Variants in KLHL29 observed in about 807,000 individuals in gnomAD.
KLHL29 encodes kelch like family member 29.
KLHL29 carries 21 observed loss-of-function variants against 80.4 expected under a neutral mutation model. The ratio of observed to expected loss-of-function variants is 0.26; its 90% CI spans 0.19 to 0.38. The LOEUF is 0.38. Ranked by LOEUF, KLHL29 falls within the 10% of genes least tolerant of loss-of-function variation. The pLI, the probability that KLHL29 is intolerant of heterozygous loss-of-function variation, is 1.00. For missense variants in KLHL29, 867 were observed against 1,223.9 expected (o/e 0.71, Z 4.35); for synonymous variants, 511 against 526.8 (o/e 0.97, Z 0.41).
At chr2:23,575,765 G>GAAAA (rs1355941585) in intron 3 of KLHL29, among the ~76,000 whole-genome samples, 170 of 152,228 alleles carry the variant, frequency 1.1e-3, no homozygotes, top group African/African-American at 3.9e-3. Flanking sequence ...TGATAGAGGA[G>GAAAA]GAGAGAGAGA....
At chr2:23,634,589 T>C (rs1669559476) in intron 3 of KLHL29, among the ~76,000 whole-genome samples, 1 of 152,058 alleles carries the variant, frequency 6.6e-6, no homozygotes, top group South Asian at 2.1e-4. Context: ...TTCCCCCAGC[T>C]CCACAGAGGC....
chr2:23,578,225 G>A lies in KLHL29; in HGVS notation c.285+15744G>A, dbSNP rs536945333. 3.9e-5 allele frequency among the ~76,000 whole-genome samples: 6 copies of A among 152,232 alleles called. No individual in the cohort carries two copies. The South Asian group carries it at 1.2e-3, about 32-fold the overall frequency. ...CGCTTAGCCAACCACATTAATCCTAGCTGGGGTACCATTGCACACCAGCAA... is the reference window on the plus strand; with the variant it reads ...CGCTTAGCCAACCACATTAATCCTAACTGGGGTACCATTGCACACCAGCAA... On this transcript the variant is annotated intron_variant, in intron 3 of 13. Coordinates refer to ENST00000486442, the MANE Select transcript of KLHL29 (RefSeq NM_052920.2).
chr2:23,514,630 C>A (rs1665867234), intron 2 of KLHL29, among the ~76,000 whole-genome samples: 1 of 152,140 alleles, frequency 6.6e-6, no homozygotes, highest in South Asian at 2.1e-4. Flanking sequence ...ACCATGTGGC[C>A]TGGATCTTGC....
chr2:23,595,872 C>T (rs1668382221), intron 3 of KLHL29, among the ~76,000 whole-genome samples: 1 of 152,224 alleles, frequency 6.6e-6, no homozygotes, highest in Admixed American at 6.5e-5. Context: ...GCTCCCCACG[C>T]AAGCAGCATG....
chr2:23,551,040 C>T (rs140884331), intron 2 of KLHL29, among the ~76,000 whole-genome samples: 11 of 152,292 alleles, frequency 7.2e-5, no homozygotes, highest in Non-Finnish European at 1.0e-4. Flanking sequence ...TGTGGAGCCA[C>T]GAGAACAAGC....
intron 1 of KLHL29, among the ~76,000 whole-genome samples, chr2:23,442,795 A>G (rs1345374429): frequency 6.6e-6 from 1 of 152,224 alleles, no homozygotes; most frequent in East Asian, 1.9e-4. Context: ...TCTAGGAGCC[A>G]TGTTTGGTTG....
chr2:23,656,500 C>T (rs911869177), intron 5 of KLHL29, among the ~76,000 whole-genome samples: 1 of 152,260 alleles, frequency 6.6e-6, no homozygotes, highest in African/African-American at 2.4e-5. Context: ...CACCCATGTG[C>T]GTTCCTTCAC....
Position 23,503,488 on chromosome 2 carries a change from G to A in KLHL29, c.-46+27821G>A, listed in dbSNP as rs554617106. 3.3e-5 allele frequency among the ~76,000 whole-genome samples: 5 copies of A among 151,928 alleles called. No individual in the cohort carries two copies. Among genetic ancestry groups the A allele is most frequent in the Non-Finnish European group, 5.9e-5 (4 of 67,980 alleles). ...GACACTCAGACTGGAAAATACAGAC[G>A]AGGCCATAGAAGTTAGTGTTGTCCT... On this transcript the variant is annotated intron_variant, in intron 2 of 13. Transcript: ENST00000486442. The surrounding 1 kb of genome is among the most constrained non-coding windows in gnomAD (Gnocchi z 4.0).
intron 1 of KLHL29, among the ~76,000 whole-genome samples, chr2:23,418,497 A>G (rs1193698383): frequency 1.3e-5 from 2 of 152,188 alleles, no homozygotes; most frequent in Non-Finnish European, 2.9e-5. Flanking sequence ...CTTCAGCATG[A>G]TTTAGTGCCC....
At chr2:23,387,101 T>TGCGC (rs1428482464) in intron 1 of KLHL29, among the ~76,000 whole-genome samples, 1 of 152,066 alleles carries the variant, frequency 6.6e-6, no homozygotes, top group Non-Finnish European at 1.5e-5. Context: ...CTCCCGTGCT[T>TGCGC]GCGCCGCGGC....
intron 3 of KLHL29, among the ~76,000 whole-genome samples, chr2:23,567,935 G>A (rs1667629942): frequency 6.6e-6 from 1 of 152,228 alleles, no homozygotes; most frequent in African/African-American, 2.4e-5. Flanking sequence ...AACACAACCT[G>A]TGCATGTTAG....
intron 6 of KLHL29, 43 bp from the exon 7 acceptor site, chr2:23,691,631 G>A: frequency 6.6e-7 from 1 of 1,518,174 alleles, no homozygotes; most frequent in South Asian, 1.2e-5. Flanking sequence ...CGGCACGGTG[G>A]CCGCAGGGCA....
intron 4 of KLHL29, 26 bp from the exon 5 acceptor site, chr2:23,642,312 T>C (rs1467792693): frequency 2.2e-6 from 3 of 1,394,250 alleles, no homozygotes; most frequent in Non-Finnish European, 2.8e-6. Context: ...AACCGGCAGA[T>C]GACGTTTCTT....
At chr2:23,534,438 ATTG>A (rs1207778065) in intron 2 of KLHL29, among the ~76,000 whole-genome samples, 1 of 151,460 alleles carries the variant, frequency 6.6e-6, no homozygotes, top group Non-Finnish European at 1.5e-5. Flanking sequence ...TCCTCTCTTT[ATTG>A]TTTTCTATTG....
intron 3 of KLHL29, among the ~76,000 whole-genome samples, chr2:23,577,095 GGCGGCCCCACT>G (rs1481950844): frequency 2.0e-5 from 3 of 152,212 alleles, no homozygotes; most frequent in Non-Finnish European, 4.4e-5. Context: ...GAGCTTCACA[GGCGGCCCCACT>G]GCAGTGCGTC....
intron 2 of KLHL29, chr2:23,507,078 T>C (rs1665619582): frequency 2.3e-6 from 1 of 440,852 alleles, no homozygotes; most frequent in East Asian, 7.4e-5. Context: ...AATCAAAGTT[T>C]GAAGGCAGCC....
At chr2:23,514,825 C>T (rs534023004) in intron 2 of KLHL29, among the ~76,000 whole-genome samples, 5 of 152,350 alleles carry the variant, frequency 3.3e-5, no homozygotes, top group African/African-American at 1.2e-4. Flanking sequence ...GCTGCTTTGG[C>T]TTCAGTTGGT....
chr2:23,617,842 A>T (rs566378309), intron 3 of KLHL29: 1 of 152,284 alleles, frequency 6.6e-6, no homozygotes, highest in Non-Finnish European at 1.5e-5. Context: ...CCAGTGGAAC[A>T]TTTTTGCTGT....
intron 2 of KLHL29, among the ~76,000 whole-genome samples, chr2:23,495,734 C>T (rs1665243527): frequency 6.6e-6 from 1 of 152,202 alleles, no homozygotes; most frequent in Non-Finnish European, 1.5e-5. Context: ...GGTTGACACC[C>T]CAGAACAGGC....
Sources: allele counts gnomAD v4.1 joint callset (sites outside exome capture counted in the v4.1 genomes callset), GRCh38; gene constraint gnomAD v4.1.1; non-coding constraint Gnocchi (gnomAD v3.1); transcripts MANE v1.5; gene names NCBI Gene and HGNC (gene_info 2026-07-23, HGNC 2026-07-21).